TMEM45A: variants seen among roughly 807,000 people sequenced by gnomAD.
The protein encoded by TMEM45A is DNA polymerase-transactivated protein 4.
In TMEM45A, 25 loss-of-function variants were observed where a neutral mutation model predicts 32.0. That is an observed-to-expected ratio of 0.78 (90% confidence interval 0.57 to 1.09). TMEM45A has a LOEUF of 1.09. TMEM45A is among the 50% of genes least tolerant of loss of function. The pLI is 0.00. For synonymous variants in TMEM45A, 122 were observed against 114.8 expected (o/e 1.06, Z -0.40); for missense variants, 302 against 325.0 (o/e 0.93, Z 0.54).
intron 3 of TMEM45A, 28 bp downstream of exon 3, chr3:100,557,000 C>T (rs764767412): frequency 1.2e-6 from 2 of 1,605,796 alleles, no homozygotes; most frequent in Admixed American, 3.3e-5. Context: ...TTTTCATGTA[C>T]CTTTCTCTAT....
At chr3:100,533,294 G>T (rs1054705820) in intron 1 of TMEM45A, among the ~76,000 whole-genome samples, 1 of 152,068 alleles carries the variant, frequency 6.6e-6, no homozygotes, top group African/African-American at 2.4e-5. Flanking sequence ...GATTTAATAG[G>T]TTCTGGGTTG....
chr3:100,568,658 T>TATTA (rs1271404726), intron 4 of TMEM45A, among the ~76,000 whole-genome samples, 164 bp from the exon 5 acceptor site: 6 of 152,196 alleles, frequency 3.9e-5, no homozygotes, highest in Admixed American at 6.5e-5. Flanking sequence ...TTAGAGACTC[T>TATTA]CTATATTACT....
At chr3:100,520,451 A>T (rs763829651) in intron 1 of TMEM45A, among the ~76,000 whole-genome samples, 56 of 152,174 alleles carry the variant, frequency 3.7e-4, no homozygotes, top group Non-Finnish European at 7.8e-4. Context: ...TTAAGATGCT[A>T]GTAGATGCTA....
intron 1 of TMEM45A, among the ~76,000 whole-genome samples, chr3:100,498,380 A>T (rs1043232049): frequency 6.6e-6 from 1 of 152,214 alleles, no homozygotes; most frequent in Non-Finnish European, 1.5e-5. Context: ...TCATCTAATC[A>T]ATTGAAGGCC....
intron 1 of TMEM45A, among the ~76,000 whole-genome samples, chr3:100,528,455 C>T (rs185023284): frequency 5.3e-5 from 8 of 152,180 alleles, no homozygotes; most frequent in East Asian, 1.9e-4. Context: ...AGGGCAGAAT[C>T]GAAGGTGGGG....
intron 1 of TMEM45A, among the ~76,000 whole-genome samples, chr3:100,505,751 A>G (rs1475666119): frequency 3.3e-5 from 5 of 152,238 alleles, no homozygotes; most frequent in Admixed American, 3.3e-4. Context: ...ATGATTTTTG[A>G]AACACCAGTC....
chr3:100,513,356 C>G (rs1458339609), intron 1 of TMEM45A, among the ~76,000 whole-genome samples: 1 of 151,806 alleles, frequency 6.6e-6, no homozygotes, highest in Non-Finnish European at 1.5e-5. Flanking sequence ...AGCATATAAA[C>G]AGAACCAAAG....
intron 1 of TMEM45A, among the ~76,000 whole-genome samples, chr3:100,498,327 A>C (rs914587572): frequency 6.6e-6 from 1 of 152,196 alleles, no homozygotes; most frequent in Non-Finnish European, 1.5e-5. Flanking sequence ...TTAACATTTA[A>C]ATCAGTAGAC....
chr3:100,519,648 T>A, intron 1 of TMEM45A: 1 of 1,544,944 alleles, frequency 6.5e-7, no homozygotes, highest in Non-Finnish European at 8.8e-7. Context: ...GGTGTGATAA[T>A]GTGAAAAGAG....
intron 1 of TMEM45A, among the ~76,000 whole-genome samples, chr3:100,498,988 A>G (rs1180376612): frequency 6.6e-6 from 1 of 152,142 alleles, no homozygotes. Flanking sequence ...GTGATGTTGA[A>G]CACCATTTCA....
At chr3:100,530,239 G>A (rs928538338) in intron 1 of TMEM45A, among the ~76,000 whole-genome samples, 1 of 152,188 alleles carries the variant, frequency 6.6e-6, no homozygotes, top group Non-Finnish European at 1.5e-5. Context: ...GATGTGGAGA[G>A]GGAGATTTAG....
intron 1 of TMEM45A, among the ~76,000 whole-genome samples, chr3:100,546,497 T>C (rs912344977): frequency 1.3e-5 from 2 of 152,194 alleles, no homozygotes; most frequent in African/African-American, 4.8e-5. Flanking sequence ...GAATGAAAAC[T>C]TTACGTTCTT....
chr3:100,540,213 C>A (rs1012191578), intron 1 of TMEM45A, among the ~76,000 whole-genome samples: 1 of 151,852 alleles, frequency 6.6e-6, no homozygotes, highest in Non-Finnish European at 1.5e-5. Context: ...TGTCTAGATT[C>A]ATTGTTTGAA....
intron 1 of TMEM45A, among the ~76,000 whole-genome samples, chr3:100,505,005 A>G (rs534425682): frequency 5.3e-4 from 80 of 152,198 alleles, no homozygotes; most frequent in African/African-American, 1.8e-3. Context: ...GTGGGTCGAG[A>G]TGATGGAGGG....
intron 1 of TMEM45A, among the ~76,000 whole-genome samples, chr3:100,531,657 A>G (rs1252019173): frequency 6.6e-6 from 1 of 152,208 alleles, no homozygotes; most frequent in East Asian, 1.9e-4. Flanking sequence ...TAAGGAAGAG[A>G]GAAGATGGGC....
At chr3:100,545,886 AT>A (rs1705970444) in intron 1 of TMEM45A, among the ~76,000 whole-genome samples, 1 of 152,206 alleles carries the variant, frequency 6.6e-6, no homozygotes, top group Non-Finnish European at 1.5e-5. Context: ...GAACTTGTGA[AT>A]ATATTACCTT....
At chr3:100,501,640 C>A (rs1708009351) in intron 1 of TMEM45A, among the ~76,000 whole-genome samples, 1 of 152,210 alleles carries the variant, frequency 6.6e-6, no homozygotes, top group Non-Finnish European at 1.5e-5. Context: ...TGAAAACTCA[C>A]TTGTCTAACT....
At chr3:100,569,190 A>G (rs746217939) in intron 5 of TMEM45A, among the ~76,000 whole-genome samples, 4 of 152,182 alleles carry the variant, frequency 2.6e-5, no homozygotes, top group Admixed American at 6.5e-5. Context: ...TGTGCCTCTG[A>G]TGCTCACATT....
At chr3:100,529,058 A>G (rs1705601113) in intron 1 of TMEM45A, among the ~76,000 whole-genome samples, 1 of 152,210 alleles carries the variant, frequency 6.6e-6, no homozygotes, top group African/African-American at 2.4e-5. Flanking sequence ...AAGAATTTTG[A>G]AGGTTCATTT....
Sources: gnomAD v4.1 joint callset for allele counts (sites outside exome capture counted in the v4.1 genomes callset) on GRCh38, gnomAD v4.1.1 for gene constraint, MANE v1.5 for transcripts, NCBI Gene and HGNC (gene_info 2026-07-23, HGNC 2026-07-21) for gene names.